The following BMP5 variants were observed in gnomAD, a reference collection of about 807,000 sequenced individuals.
The protein encoded by BMP5 is bone morphogenetic protein 5.
In BMP5, 23 loss-of-function variants were observed where a neutral mutation model predicts 46.6. The observed-to-expected ratio is 0.49, with a 90% CI of 0.35 to 0.70. BMP5 has a LOEUF of 0.70. BMP5 is among the 30% of genes least tolerant of loss of function. The pLI, the probability that BMP5 is intolerant of heterozygous loss-of-function variation, is 0.00. For synonymous variants in BMP5, 204 were observed against 191.9 expected, an observed-to-expected ratio of 1.06 and a Z score of -0.52; for missense variants, 545 against 565.6, an observed-to-expected ratio of 0.96 and a Z score of 0.37.
intron 1 of BMP5, among the ~76,000 whole-genome samples, chr6:55,840,356 T>C (rs1230013523): frequency 6.6e-6 from 1 of 152,152 alleles, no homozygotes; most frequent in African/African-American, 2.4e-5. Flanking sequence ...CTTCTATTTC[T>C]CCTGACTTAT....
intron 2 of BMP5, among the ~76,000 whole-genome samples, chr6:55,815,470 T>A (rs762481033): frequency 6.6e-6 from 1 of 152,168 alleles, no homozygotes; most frequent in Non-Finnish European, 1.5e-5. Context: ...GGTAAAGATA[T>A]ACATGCACTT....
chr6:55,845,643 A>G (rs533901205), intron 1 of BMP5, among the ~76,000 whole-genome samples: 2 of 152,102 alleles, frequency 1.3e-5, no homozygotes, highest in South Asian at 2.1e-4. Context: ...GAACCACCAT[A>G]AAAGAAGCCT....
chr6:55,866,940 C>CAT (rs1345717300), intron 1 of BMP5, among the ~76,000 whole-genome samples: 1 of 152,214 alleles, frequency 6.6e-6, no homozygotes, highest in East Asian at 1.9e-4. Flanking sequence ...CAAAGATTAA[C>CAT]ATATATATCA....
chr6:55,798,304 C>G (rs1246032353), intron 2 of BMP5, among the ~76,000 whole-genome samples: 1 of 152,140 alleles, frequency 6.6e-6, no homozygotes, highest in Non-Finnish European at 1.5e-5. Context: ...CAATTCAACC[C>G]ATAATACTAA....
chr6:55,831,821 A>G (rs1776671409), intron 1 of BMP5, among the ~76,000 whole-genome samples: 1 of 152,186 alleles, frequency 6.6e-6, no homozygotes. Flanking sequence ...GTGAACATTT[A>G]GAACACTGGA....
chr6:55,833,796 A>G (rs1360448343), intron 1 of BMP5, among the ~76,000 whole-genome samples: 1 of 152,194 alleles, frequency 6.6e-6, no homozygotes, highest in Non-Finnish European at 1.5e-5. Flanking sequence ...ACCCAAAATC[A>G]TGCAGGATAT....
At chr6:55,798,528 A>T in intron 2 of BMP5, among the ~76,000 whole-genome samples, 1 of 152,228 alleles carries the variant, frequency 6.6e-6, no homozygotes, top group East Asian at 1.9e-4. Context: ...GTTCATCTTG[A>T]TTGTGATATA....
chr6:55,828,863 G>T (rs1027220179), intron 1 of BMP5, among the ~76,000 whole-genome samples: 3 of 151,608 alleles, frequency 2.0e-5, no homozygotes, highest in African/African-American at 7.3e-5. Context: ...TTTTAAATTG[G>T]TATAATATAA....
At chr6:55,777,995 G>A (rs1000669346) in intron 3 of BMP5, among the ~76,000 whole-genome samples, 2 of 151,940 alleles carry the variant, frequency 1.3e-5, no homozygotes, top group South Asian at 2.1e-4. Context: ...AATGATCTCC[G>A]AAATTATCTT....
chr6:55,847,643 ATT>A (rs1562068425), intron 1 of BMP5, among the ~76,000 whole-genome samples: 1 of 151,764 alleles, frequency 6.6e-6, no homozygotes, highest in African/African-American at 2.4e-5. Flanking sequence ...AAATGCAATA[ATT>A]TTTTTTACTT....
chr6:55,850,359 T>C (rs944546708), intron 1 of BMP5, among the ~76,000 whole-genome samples: 1 of 71,982 alleles, frequency 1.4e-5, no homozygotes, highest in African/African-American at 6.1e-5. Flanking sequence ...AGTAGGTAGA[T>C]AGATAGATAG....
intron 1 of BMP5, among the ~76,000 whole-genome samples, chr6:55,836,882 C>T (rs769853639): frequency 9.2e-5 from 14 of 151,958 alleles, no homozygotes; most frequent in Non-Finnish European, 1.8e-4. Flanking sequence ...TTAAAGTTAA[C>T]TACAGGGATA....
At chr6:55,787,851 C>G (rs1347572664) in intron 3 of BMP5, among the ~76,000 whole-genome samples, 2 of 151,578 alleles carry the variant, frequency 1.3e-5, no homozygotes, top group Non-Finnish European at 3.0e-5. Flanking sequence ...TAGAAAATCT[C>G]TGATTTTCTA....
At chr6:55,828,638 T>A (rs1776585595) in intron 1 of BMP5, among the ~76,000 whole-genome samples, 1 of 151,792 alleles carries the variant, frequency 6.6e-6, no homozygotes, top group South Asian at 2.1e-4. Context: ...TTTATCTTGG[T>A]ATATTTTAGG....
At position 55,770,257 on chromosome 6, in the gene BMP5, G is replaced by T. The variant is rs541492506; in HGVS notation, c.1027+3792C>A. On this transcript the variant is annotated intron_variant, in intron 4 of 6. Coordinates refer to ENST00000370830, the MANE Select transcript of BMP5 (RefSeq NM_021073.4). ...CTACCTTCATCAGTGATCTTAGATA[G>T]ATCTCCTGGATAACTTGCTATAGCT... is the stretch of plus-strand genomic sequence containing the variant. Among the ~76,000 whole-genome samples, 9 of 152,046 alleles carry T rather than the reference G, an allele frequency of 5.9e-5. No homozygotes were observed. The South Asian group carries it at 8.3e-4, about 14-fold the overall frequency.
chr6:55,859,285 C>T (rs1777476433), intron 1 of BMP5, among the ~76,000 whole-genome samples: 1 of 152,106 alleles, frequency 6.6e-6, no homozygotes, highest in Non-Finnish European at 1.5e-5. Context: ...AAAGGTCACA[C>T]CTTTTGCTCT....
At chr6:55,870,693 T>C (rs1323378607) in intron 1 of BMP5, among the ~76,000 whole-genome samples, 1 of 152,106 alleles carries the variant, frequency 6.6e-6, no homozygotes, top group Non-Finnish European at 1.5e-5. Context: ...AATGATGTCT[T>C]TCAAATCTGT....
chr6:55,768,484 G>A (rs565395185), intron 4 of BMP5, among the ~76,000 whole-genome samples: 3 of 151,938 alleles, frequency 2.0e-5, no homozygotes, highest in South Asian at 4.1e-4. Context: ...CCAGCTGTAG[G>A]CTAATGTAAA....
intron 1 of BMP5, among the ~76,000 whole-genome samples, chr6:55,850,388 AGATAGATC>A (rs201552832): frequency 0.03 from 4,461 of 149,378 alleles, 79 homozygotes; most frequent in African/African-American, 0.051. Flanking sequence ...ATAGATAGAT[AGATAGATC>A]GATAGATATA....
Sources: gnomAD v4.1 joint callset for allele counts (sites outside exome capture counted in the v4.1 genomes callset) on GRCh38, gnomAD v4.1.1 for gene constraint, MANE v1.5 for transcripts, NCBI Gene and HGNC (gene_info 2026-07-23, HGNC 2026-07-21) for gene names.